EYS: variants seen among roughly 807,000 people sequenced by gnomAD.
EYS encodes protein eyes shut homolog.
Under a neutral mutation model 282.1 loss-of-function variants are expected in EYS, and 250 were observed. That is an observed-to-expected ratio of 0.89 (90% CI 0.80 to 0.98). The LOEUF (loss-of-function observed/expected upper bound fraction) is 0.98. EYS is among the 50% of genes least tolerant of loss of function. EYS has a pLI of 0.00. For synonymous variants in EYS, 1,355 were observed against 1,282.9 expected, an observed-to-expected ratio of 1.06 and a Z score of -1.20; for missense variants, 4,016 against 3,709.0, an observed-to-expected ratio of 1.08 and a Z score of -2.15.
At chr6:64,279,450 C>G (rs1364961692) in intron 30 of EYS, among the ~76,000 whole-genome samples, 1 of 152,114 alleles carries the variant, frequency 6.6e-6, no homozygotes, top group Non-Finnish European at 1.5e-5. Flanking sequence ...TTCCTGTTTA[C>G]TGTAGCTACT....
At chr6:64,310,572 C>G (rs1214676757) in intron 29 of EYS, among the ~76,000 whole-genome samples, 1 of 152,046 alleles carries the variant, frequency 6.6e-6, no homozygotes, top group African/African-American at 2.4e-5. Flanking sequence ...TGCACTAGGT[C>G]TATTGCCTAT....
intron 2 of EYS, among the ~76,000 whole-genome samples, chr6:65,600,885 T>C (rs1303808433): frequency 6.6e-6 from 1 of 151,948 alleles, no homozygotes; most frequent in Admixed American, 6.6e-5. Flanking sequence ...CCTATTGTTT[T>C]AGGTAAGCCG....
At chr6:63,794,352 G>C (rs1211947016) in intron 37 of EYS, among the ~76,000 whole-genome samples, 1 of 152,152 alleles carries the variant, frequency 6.6e-6, no homozygotes, top group East Asian at 1.9e-4. Flanking sequence ...TCTTGGGTCG[G>C]GAACAGAAGT....
chr6:64,954,464 T>TAC (rs1769623259), intron 14 of EYS, among the ~76,000 whole-genome samples: 1 of 152,104 alleles, frequency 6.6e-6, no homozygotes, highest in African/African-American at 2.4e-5. Flanking sequence ...TTTTCCCTAG[T>TAC]ACACAAATAA....
chr6:65,461,617 A>AT (rs1764828777), intron 5 of EYS, among the ~76,000 whole-genome samples: 4 of 151,860 alleles, frequency 2.6e-5, no homozygotes, highest in Non-Finnish European at 5.9e-5. Context: ...TTGCCACTTC[A>AT]TGATCATGTC....
chr6:64,880,502 T>C (rs1475929934), intron 19 of EYS, among the ~76,000 whole-genome samples: 1 of 151,664 alleles, frequency 6.6e-6, no homozygotes, highest in East Asian at 1.9e-4. Context: ...GATCTCTCTC[T>C]ACCTCTCCCT....
intron 28 of EYS, among the ~76,000 whole-genome samples, chr6:64,423,763 A>T (rs1329182907): frequency 6.6e-6 from 1 of 152,130 alleles, no homozygotes; most frequent in African/African-American, 2.4e-5. Context: ...AGCCGAGATC[A>T]TGCCACTGCA....
chr6:65,058,627 C>T (rs1250592296), intron 12 of EYS, among the ~76,000 whole-genome samples: 1 of 150,684 alleles, frequency 6.6e-6, no homozygotes, highest in Non-Finnish European at 1.5e-5. Flanking sequence ...GGAAAGAAAA[C>T]AAATAAATGT....
At chr6:64,751,639 T>C (rs959875692) in intron 22 of EYS, among the ~76,000 whole-genome samples, 8 of 152,214 alleles carry the variant, frequency 5.3e-5, no homozygotes, top group African/African-American at 1.7e-4. Context: ...AGATCATTCA[T>C]ATACCCATCT....
chr6:63,746,202 G>T (rs1396634388), intron 41 of EYS, among the ~76,000 whole-genome samples: 1 of 152,134 alleles, frequency 6.6e-6, no homozygotes, highest in Admixed American at 6.6e-5. Context: ...TCTGTTATTG[G>T]TTCTGTTTAT....
chr6:64,784,610 T>G (rs1268997012), intron 22 of EYS, among the ~76,000 whole-genome samples: 1 of 152,162 alleles, frequency 6.6e-6, no homozygotes. Context: ...GTTGAGTAAA[T>G]TATTTCATTC....
At chr6:65,442,151 A>G (rs1768355390) in intron 5 of EYS, among the ~76,000 whole-genome samples, 1 of 151,892 alleles carries the variant, frequency 6.6e-6, no homozygotes, top group Non-Finnish European at 1.5e-5. Context: ...TATGACTATA[A>G]TTTTTCTAAT....
At chr6:64,419,104 A>G (rs1774147402) in intron 28 of EYS, among the ~76,000 whole-genome samples, 1 of 152,148 alleles carries the variant, frequency 6.6e-6, no homozygotes, top group Non-Finnish European at 1.5e-5. Flanking sequence ...CATCCTGGCT[A>G]GTTCCCCACA....
At chr6:65,456,889 C>T (rs1764638708) in intron 5 of EYS, among the ~76,000 whole-genome samples, 1 of 152,168 alleles carries the variant, frequency 6.6e-6, no homozygotes, top group Non-Finnish European at 1.5e-5. Context: ...TTGTAGACAA[C>T]ATGATCTTAT....
At chr6:63,914,757 T>C (rs1335276552) in intron 35 of EYS, among the ~76,000 whole-genome samples, 1 of 150,650 alleles carries the variant, frequency 6.6e-6, no homozygotes. Flanking sequence ...ATTGCTGATA[T>C]GGAGCAAGTT....
intron 41 of EYS, among the ~76,000 whole-genome samples, chr6:63,733,141 G>A (rs1359555351): frequency 6.6e-6 from 1 of 152,112 alleles, no homozygotes; most frequent in Non-Finnish European, 1.5e-5. Flanking sequence ...GACTGGACGA[G>A]TGTTAAGGAA....
chr6:65,036,196 T>A (rs1005593864), intron 13 of EYS, among the ~76,000 whole-genome samples: 1 of 151,506 alleles, frequency 6.6e-6, no homozygotes, highest in African/African-American at 2.4e-5. Context: ...ACCATCTGAT[T>A]TTCAACAAAG....
intron 36 of EYS, among the ~76,000 whole-genome samples, chr6:63,844,204 C>A (rs9359643): frequency 0.48 from 72,921 of 152,026 alleles, 19,601 homozygotes; most frequent in Non-Finnish European, 0.59. Flanking sequence ...TTTATGGCTG[C>A]ATAGTAGCCC....
At chr6:64,139,324 C>A (rs1402045475) in intron 31 of EYS, among the ~76,000 whole-genome samples, 1 of 151,950 alleles carries the variant, frequency 6.6e-6, no homozygotes, top group East Asian at 1.9e-4. Flanking sequence ...GAACTAAGGA[C>A]TTTAAAGGGG....
Sources: allele counts gnomAD v4.1 joint callset (sites outside exome capture counted in the v4.1 genomes callset), GRCh38; gene constraint gnomAD v4.1.1; transcripts MANE v1.5; gene names NCBI Gene and HGNC (gene_info 2026-07-23, HGNC 2026-07-21).